Variants in EIF2B3 observed in about 807,000 individuals in gnomAD.
EIF2B3 encodes the protein translation initiation factor eIF2B subunit gamma.
In EIF2B3, 20 loss-of-function variants were observed where a neutral mutation model predicts 54.1. The ratio of observed to expected loss-of-function variants is 0.37; its 90% CI spans 0.26 to 0.54. The LOEUF is 0.54. Among genes scored for constraint, EIF2B3 ranks in the 20% least tolerant of loss-of-function variants. EIF2B3 has a pLI of 0.86. For missense variants in EIF2B3, 448 were observed against 547.8 expected, an observed-to-expected ratio of 0.82 and a Z score of 1.82; for synonymous variants, 153 against 188.1, an observed-to-expected ratio of 0.81 and a Z score of 1.52.
chr1:44,904,566 T>G (rs981996254), intron 5 of EIF2B3, among the ~76,000 whole-genome samples: 1 of 152,076 alleles, frequency 6.6e-6, no homozygotes, highest in Non-Finnish European at 1.5e-5. Context: ...CAGGCTGGAG[T>G]GCAGTGGCAC....
chr1:44,934,489 A>T (rs12729378), intron 4 of EIF2B3, among the ~76,000 whole-genome samples: 2 of 151,628 alleles, frequency 1.3e-5, no homozygotes, highest in Non-Finnish European at 2.9e-5. Context: ...AATTTTTTTA[A>T]TTTTTTATTA....
chr1:44,983,762 A>G (rs1286942729), intron 1 of EIF2B3, among the ~76,000 whole-genome samples: 1 of 152,016 alleles, frequency 6.6e-6, no homozygotes, highest in Non-Finnish European at 1.5e-5. Flanking sequence ...GGTTGAGTGC[A>G]ATGGCATGAT....
intron 5 of EIF2B3, among the ~76,000 whole-genome samples, chr1:44,910,125 CAT>C (rs1422542317): frequency 6.6e-6 from 1 of 152,162 alleles, no homozygotes; most frequent in African/African-American, 2.4e-5. Flanking sequence ...GGAAAAGCTA[CAT>C]GATTTTCTTA....
intron 5 of EIF2B3, among the ~76,000 whole-genome samples, chr1:44,907,791 A>G (rs72676513): frequency 0.17 from 25,668 of 148,644 alleles, 2,274 homozygotes; most frequent in Non-Finnish European, 0.18. Context: ...CTCGGTGGCT[A>G]AGGCAGGAGA....
intron 3 of EIF2B3, among the ~76,000 whole-genome samples, chr1:44,943,312 A>G (rs887603943): frequency 6.6e-6 from 1 of 152,112 alleles, no homozygotes; most frequent in African/African-American, 2.4e-5. Context: ...GGTGTGAGCC[A>G]CCACGCCTGG....
chr1:44,850,596 G>T lies in EIF2B3; in HGVS notation c.*355C>A. ...ACTGAAGTACTCCCAGGTCCTTTTA[G>T]GTGAGGGATACTTTCAGGACTGGGT... On this transcript the variant is annotated 3_prime_UTR_variant, in exon 12 of 12. Coordinates refer to ENST00000360403, the MANE Select transcript of EIF2B3 (RefSeq NM_020365.5). The T allele has an allele frequency of 2.9e-6, 1 of 346,904 alleles. No individual in the cohort carries two copies. The highest frequency in any genetic ancestry group is 4.4e-5 in the Admixed American group (1 of 22,978). 21.5% of individuals were successfully genotyped at this position (346,904 alleles called of 1,614,324 possible).
chr1:44,933,077 T>C (rs1222947332), intron 4 of EIF2B3, among the ~76,000 whole-genome samples: 2 of 151,978 alleles, frequency 1.3e-5, no homozygotes, highest in Non-Finnish European at 2.9e-5. Flanking sequence ...GAATTTGAAA[T>C]TGAGAGGACA....
chr1:44,949,152 G>C (rs1644135027), intron 3 of EIF2B3, among the ~76,000 whole-genome samples: 1 of 152,174 alleles, frequency 6.6e-6, no homozygotes, highest in Admixed American at 6.5e-5. Flanking sequence ...TTACAGGCAT[G>C]AGCCACTGCA....
intron 3 of EIF2B3, among the ~76,000 whole-genome samples, chr1:44,957,761 CA>C (rs530862191): frequency 9.0e-5 from 13 of 143,966 alleles, no homozygotes; most frequent in South Asian, 4.4e-4. Flanking sequence ...ACTCCGTCTC[CA>C]AAAAAAAAAG....
chr1:44,947,289 G>A (rs1404460790), intron 3 of EIF2B3, among the ~76,000 whole-genome samples: 1 of 152,190 alleles, frequency 6.6e-6, no homozygotes, highest in Non-Finnish European at 1.5e-5. Flanking sequence ...AGTGTTTAAA[G>A]TGTCCAAAAC....
At chr1:44,901,120 A>T (rs886538784) in intron 5 of EIF2B3, among the ~76,000 whole-genome samples, 47 of 147,674 alleles carry the variant, frequency 3.2e-4, no homozygotes, top group Non-Finnish European at 4.8e-4. Flanking sequence ...TGAAAAAAAA[A>T]TTTTTTTTTT....
chr1:44,923,976 T>C (rs140632686), intron 5 of EIF2B3, among the ~76,000 whole-genome samples: 1,520 of 150,308 alleles, frequency 0.01, 30 homozygotes, highest in African/African-American at 0.036. Context: ...AGTCTCGCTG[T>C]GTCACCCAGG....
intron 3 of EIF2B3, among the ~76,000 whole-genome samples, chr1:44,962,981 C>T (rs896424037): frequency 7.9e-5 from 12 of 152,024 alleles, no homozygotes; most frequent in African/African-American, 2.9e-4. Context: ...TGCCTGTAAT[C>T]CCAACATTTT....
At chr1:44,934,250 T>G (rs970142599) in intron 4 of EIF2B3, among the ~76,000 whole-genome samples, 1 of 150,922 alleles carries the variant, frequency 6.6e-6, no homozygotes, top group African/African-American at 2.4e-5. Context: ...TACAAAAAAT[T>G]AGCTAGGTGC....
chr1:44,945,553 C>CAAA (rs199816888), intron 3 of EIF2B3, among the ~76,000 whole-genome samples: 1 of 103,894 alleles, frequency 9.6e-6, no homozygotes. Context: ...GACTCCGTCT[C>CAAA]AAAAAAAAAA....
chr1:44,874,174 T>C (rs1441584767), intron 10 of EIF2B3, among the ~76,000 whole-genome samples: 3 of 152,216 alleles, frequency 2.0e-5, no homozygotes, highest in Non-Finnish European at 4.4e-5. Context: ...TTCCCAGAGT[T>C]AATAACAGTC....
intron 10 of EIF2B3, among the ~76,000 whole-genome samples, chr1:44,873,103 T>C (rs1655015198): frequency 6.6e-6 from 1 of 152,354 alleles, no homozygotes; most frequent in South Asian, 2.1e-4. Flanking sequence ...ATGTCGCTTA[T>C]TTTTTCCTTT....
At chr1:44,902,993 T>C (rs1643344679) in intron 5 of EIF2B3, among the ~76,000 whole-genome samples, 1 of 152,152 alleles carries the variant, frequency 6.6e-6, no homozygotes, top group Admixed American at 6.5e-5. Flanking sequence ...ACATACTGTA[T>C]GTCAGGGGCA....
chr1:44,968,853 C>T (rs1372550198), intron 3 of EIF2B3, among the ~76,000 whole-genome samples: 13 of 150,194 alleles, frequency 8.7e-5, no homozygotes, highest in Admixed American at 6.0e-4. Context: ...GTTGAGATTG[C>T]GCCATGCACT....
Sources: gnomAD v4.1 joint callset for allele counts (sites outside exome capture counted in the v4.1 genomes callset) on GRCh38, gnomAD v4.1.1 for gene constraint, MANE v1.5 for transcripts, NCBI Gene and HGNC (gene_info 2026-07-23, HGNC 2026-07-21) for gene names.